ZNF398: variants seen among roughly 807,000 people sequenced by gnomAD.
ZNF398 encodes zinc finger protein 398.
Under a neutral mutation model 41.9 loss-of-function variants are expected in ZNF398, and 18 were observed. The observed-to-expected ratio is 0.43, with a 90% CI of 0.30 to 0.64. The LOEUF (loss-of-function observed/expected upper bound fraction) is 0.64. Ranked by LOEUF, ZNF398 falls within the 30% of genes least tolerant of loss-of-function variation. The probability of loss-of-function intolerance (pLI) is 0.14; values close to 1 mark genes in which losing one functional copy is unlikely to be tolerated. For synonymous variants in ZNF398, 260 were observed against 308.8 expected (o/e 0.84, Z 1.66); for missense variants, 669 against 822.8 (o/e 0.81, Z 2.29).
intron 2 of ZNF398, among the ~76,000 whole-genome samples, chr7:149,135,892 G>A (rs1826702063): frequency 6.6e-6 from 1 of 151,884 alleles, no homozygotes; most frequent in South Asian, 2.1e-4. Context: ...GGAGGCGGAC[G>A]TTGCAGTGAG....
At chr7:149,162,147 G>T (rs1039443729) in intron 2 of ZNF398, among the ~76,000 whole-genome samples, 1 of 151,994 alleles carries the variant, frequency 6.6e-6, no homozygotes, top group Non-Finnish European at 1.5e-5. Context: ...TCAGCCTCCC[G>T]AGTGGCTGGG....
intron 2 of ZNF398, among the ~76,000 whole-genome samples, chr7:149,162,483 C>T (rs1391542360): frequency 2.0e-5 from 3 of 151,976 alleles, no homozygotes; most frequent in Non-Finnish European, 4.4e-5. Context: ...TGCCTGGCCC[C>T]ACAGCTGGCT....
chr7:149,142,137 A>T (rs1009059964), intron 2 of ZNF398, among the ~76,000 whole-genome samples: 2 of 152,108 alleles, frequency 1.3e-5, no homozygotes, highest in Non-Finnish European at 2.9e-5. Flanking sequence ...GCTTGTAGAG[A>T]TAATTGCTAT....
intron 1 of ZNF398, among the ~76,000 whole-genome samples, chr7:149,127,692 G>A (rs1199707823): frequency 5.3e-5 from 8 of 151,980 alleles, no homozygotes; most frequent in Admixed American, 4.6e-4. Flanking sequence ...ACTCCAGCCT[G>A]GGCGACAGAG....
At chr7:149,141,449 TTTTTTTC>T (rs1462877665) in intron 2 of ZNF398, among the ~76,000 whole-genome samples, 2 of 129,270 alleles carry the variant, frequency 1.5e-5, no homozygotes, top group African/African-American at 2.8e-5. Context: ...CTACTTTTCT[TTTTTTTC>T]TTTTTTTTTT....
Position 149,147,649 on chromosome 7 carries a change from A to G in ZNF398, c.-94A>G. On this transcript the variant is annotated 5_prime_UTR_variant, in exon 1 of 6. Transcript: ENST00000475153. This position sits in a 1 kb window ranked among gnomAD's most constrained non-coding sequence, Gnocchi z 5.6. ...GGCCGGGTCGGCGCCGCCTGTGGAG[A>G]GGACCCGGCGGCCGGGCCTGCTTGG... The G allele has an allele frequency of 8.3e-7, 1 of 1,207,308 alleles. No homozygotes were observed. Among genetic ancestry groups the G allele is most frequent in the Non-Finnish European group, 1.0e-6 (1 of 968,410 alleles). 74.8% of individuals were successfully genotyped at this position (1,207,308 alleles called of 1,614,324 possible).
At chr7:149,147,327 G>A (rs1393213396), upstream of ZNF398, 3 of 152,632 alleles carry the variant, frequency 2.0e-5, no homozygotes, top group African/African-American at 7.4e-5. This position sits in a 1 kb window ranked among gnomAD's most constrained non-coding sequence, Gnocchi z 5.6. Flanking sequence ...CGAAGCCCAA[G>A]AGCTGGGGGG....
intron 2 of ZNF398, among the ~76,000 whole-genome samples, chr7:149,157,236 A>G (rs1794998707): frequency 6.6e-6 from 1 of 151,358 alleles, no homozygotes; most frequent in Non-Finnish European, 1.5e-5. Flanking sequence ...AAAGTGGACT[A>G]AGAAAGTCCA....
chr7:149,176,587 T>G lies in ZNF398; in HGVS notation c.775+6T>G. 6.3e-7 allele frequency: 1 copy of G among 1,582,838 alleles called. No individual in the cohort carries two copies. ...GTACAAAAGCACTTATGCTGGTGAG[T>G]ATGAAATTAAAGAGGTGTTCATGTC... is the stretch of plus-strand genomic sequence containing the variant. On this transcript the variant is annotated splice_donor_region_variant and intron_variant, in intron 5 of 5. Coordinates refer to ENST00000475153, the MANE Select transcript of ZNF398 (RefSeq NM_170686.3).
chr7:149,147,923 AG>A lies in ZNF398; in HGVS notation c.24+161del, dbSNP rs1826998339. 6.6e-6 allele frequency among the ~76,000 whole-genome samples: 1 copy of A among 151,750 alleles called. No individual in the cohort carries two copies. On this transcript the variant is annotated intron_variant, in intron 1 of 5. Transcript: ENST00000475153. This position sits in a 1 kb window ranked among gnomAD's most constrained non-coding sequence, Gnocchi z 5.6. ...TGCTTGGCGGCTGCAGCCTCGCGTG[AG>A]GGGACTTAGCGGGTGGGTGTGAAAC...
In ZNF398 at chr7:149,179,119, A is replaced by G; in HGVS notation, c.1247A>G (p.His416Arg). Residue 416 changes from histidine (H) to arginine (R), a missense_variant, in exon 6 of 6, where the codon CAT becomes CGT. His to Arg is a conservative substitution (Grantham distance 29). This residue lies in a region of ZNF398 where 290 missense variants were observed against 292.9 expected (regional missense o/e 0.99). Coordinates refer to ENST00000475153, the MANE Select transcript of ZNF398 (RefSeq NM_170686.3). The surrounding 1 kb of genome is among the most constrained non-coding windows in gnomAD (Gnocchi z 6.1). ...TFTHPSRLTYHLRVHNSTERP... is the reference protein window; with the variant it reads ...TFTHPSRLTYRLRVHNSTERP... ...ACTCACCCATCAAGACTTACCTACC[A>G]TCTTCGGGTCCATAACAGCACTGAG... 1 of 1,613,762 alleles carries G rather than the reference A, an allele frequency of 6.2e-7. No homozygotes were observed. The highest frequency in any genetic ancestry group is 1.3e-5 in the African/African-American group (1 of 74,872).
chr7:149,179,497 C>T lies in ZNF398; in HGVS notation c.1625C>T (p.Pro542Leu), dbSNP rs774912149. The stretch of plus-strand genomic sequence containing the variant: ...ACAGGCGAGCGGCCCTTCAGTTGTC[C>T]TCACTGTGGCAAGAGCTTCATCCGC... ...LHTGERPFSC[P>L]HCGKSFIRKH... is the part of the protein sequence containing the mutation. The change falls in exon 6 of 6, where the codon CCT becomes CTT. Residue 542 changes from proline (P) to leucine (L), a missense_variant. Pro to Leu is a moderately conservative substitution (Grantham distance 98). This residue lies in a region of ZNF398 where 210 missense variants were observed against 290.4 expected (regional missense o/e 0.72). Coordinates refer to ENST00000475153, the MANE Select transcript of ZNF398 (RefSeq NM_170686.3). This position sits in a 1 kb window ranked among gnomAD's most constrained non-coding sequence, Gnocchi z 6.1. 21 of 1,614,114 alleles carry T rather than the reference C, an allele frequency of 1.3e-5. No individual in the cohort carries two copies. Among genetic ancestry groups the T allele is most frequent in the Non-Finnish European group, 1.7e-5 (20 of 1,180,052 alleles).
chr7:149,145,692 CCAAT>C (rs993487916), upstream of ZNF398, among the ~76,000 whole-genome samples: 13 of 152,296 alleles, frequency 8.5e-5, no homozygotes, highest in Admixed American at 2.0e-4. Context: ...CACTCTCCCA[CCAAT>C]CAGTCAACTC....
chr7:149,165,250 A>C (rs1176214074), intron 2 of ZNF398, among the ~76,000 whole-genome samples: 1 of 152,204 alleles, frequency 6.6e-6, no homozygotes, highest in Non-Finnish European at 1.5e-5. Flanking sequence ...TTAAAACAGG[A>C]ATGCTGAAAT....
intron 2 of ZNF398, among the ~76,000 whole-genome samples, chr7:149,136,059 C>G (rs957264846): frequency 6.6e-6 from 1 of 152,118 alleles, no homozygotes; most frequent in Admixed American, 6.6e-5. Context: ...TGTGTAAGAA[C>G]TCTGCCTAAT....
intron 2 of ZNF398, among the ~76,000 whole-genome samples, chr7:149,138,834 C>G (rs1258548885): frequency 6.6e-6 from 1 of 151,992 alleles, no homozygotes; most frequent in Non-Finnish European, 1.5e-5. Context: ...ACTGCAGCCT[C>G]AACCTCTGGG....
intron 5 of ZNF398, among the ~76,000 whole-genome samples, chr7:149,177,509 T>C (rs934300691): frequency 3.3e-5 from 5 of 152,174 alleles, no homozygotes; most frequent in African/African-American, 9.7e-5. Context: ...AAAGCCACAA[T>C]TGTACCTTAA....
chr7:149,167,760 G>A (rs13241855), intron 4 of ZNF398, among the ~76,000 whole-genome samples: 81,328 of 150,048 alleles, frequency 0.54, 25,404 homozygotes, highest in East Asian at 0.9. Flanking sequence ...ACAGGCGCCC[G>A]CCACCACGTC....
At chr7:149,133,582 C>T (rs760708701) in intron 2 of ZNF398, among the ~76,000 whole-genome samples, 11 of 150,052 alleles carry the variant, frequency 7.3e-5, no homozygotes, top group Non-Finnish European at 1.3e-4. Context: ...CTGCCTGCCC[C>T]AGCTTCCCAA....
Sources: allele counts gnomAD v4.1 joint callset (sites outside exome capture counted in the v4.1 genomes callset), GRCh38; gene constraint gnomAD v4.1.1; regional missense constraint gnomAD v4.1.1; non-coding constraint Gnocchi (gnomAD v3.1); transcripts MANE v1.5; gene names NCBI Gene and HGNC (gene_info 2026-07-23, HGNC 2026-07-21).